Variants in SPMIP2 observed in about 807,000 individuals in gnomAD.
The protein encoded by SPMIP2 is sperm microtubule inner protein 2, also known as protein SPMIP2.
At chr4:159,037,799 C>G in the SPMIP2 span, among the ~76,000 whole-genome samples, 1 of 128,768 alleles carries the variant, frequency 7.8e-6, no homozygotes, top group Non-Finnish European at 1.7e-5. Flanking sequence ...CACACACACA[C>G]ACACACACAC....
chr4:158,902,770 A>G, the SPMIP2 span, among the ~76,000 whole-genome samples: 16 of 152,296 alleles, frequency 1.1e-4, no homozygotes, highest in Middle Eastern at 3.4e-3. Flanking sequence ...ACTTCCAGGC[A>G]GCTTTGTTTA....
At chr4:159,035,274 C>A in the SPMIP2 span, 1 of 561,228 alleles carries the variant, frequency 1.8e-6, no homozygotes, top group South Asian at 2.6e-5. Context: ...TTGCAGAGTT[C>A]TGCATTCCAA....
chr4:159,053,643 T>C, the SPMIP2 span, among the ~76,000 whole-genome samples: 1 of 152,198 alleles, frequency 6.6e-6, no homozygotes, highest in Non-Finnish European at 1.5e-5. Context: ...ATATGGACCT[T>C]ACTAGTCCAT....
the SPMIP2 span, among the ~76,000 whole-genome samples, chr4:158,999,265 T>C: frequency 2.0e-5 from 3 of 152,152 alleles, no homozygotes; most frequent in South Asian, 2.1e-4. Flanking sequence ...ACTTTAAATG[T>C]AGGCATTGAT....
the SPMIP2 span, among the ~76,000 whole-genome samples, chr4:159,064,083 T>C: frequency 3.3e-5 from 5 of 152,226 alleles, no homozygotes; most frequent in African/African-American, 7.2e-5. Context: ...TGGTAGCTCA[T>C]GCCTGTAATC....
the SPMIP2 span, among the ~76,000 whole-genome samples, chr4:159,042,250 C>G: frequency 5.3e-5 from 8 of 152,364 alleles, no homozygotes; most frequent in African/African-American, 1.7e-4. Context: ...TCCACCAGCT[C>G]AAGTCTCTGG....
chr4:159,003,056 A>T, the SPMIP2 span, among the ~76,000 whole-genome samples: 1 of 151,850 alleles, frequency 6.6e-6, no homozygotes, highest in Non-Finnish European at 1.5e-5. Context: ...TATTCCTTTC[A>T]TTTTTTCCTC....
the SPMIP2 span, among the ~76,000 whole-genome samples, chr4:158,999,402 G>A: frequency 6.6e-6 from 1 of 152,146 alleles, no homozygotes; most frequent in Non-Finnish European, 1.5e-5. Context: ...ATTTCTAGAT[G>A]GCAGTAAGTG....
the SPMIP2 span, among the ~76,000 whole-genome samples, chr4:159,041,778 A>G: frequency 3.3e-5 from 5 of 152,222 alleles, no homozygotes; most frequent in African/African-American, 1.2e-4. Flanking sequence ...GAACAAATAT[A>G]ATTGGACACT....
At chr4:158,949,044 TTC>T in the SPMIP2 span, among the ~76,000 whole-genome samples, 2 of 152,074 alleles carry the variant, frequency 1.3e-5, no homozygotes, top group African/African-American at 4.8e-5. Context: ...ATTTTTTCTC[TTC>T]TTTTTCATCT....
At chr4:158,967,766 T>C in the SPMIP2 span, among the ~76,000 whole-genome samples, 13 of 152,184 alleles carry the variant, frequency 8.5e-5, no homozygotes, top group Non-Finnish European at 1.8e-4. Flanking sequence ...TACAGACTTA[T>C]CAACTCCATG....
chr4:159,071,182 T>C, the SPMIP2 span, among the ~76,000 whole-genome samples: 1 of 152,188 alleles, frequency 6.6e-6, no homozygotes, highest in Non-Finnish European at 1.5e-5. Flanking sequence ...ATGCTAATGT[T>C]TTTGGAGGGA....
chr4:158,995,359 C>T, the SPMIP2 span, among the ~76,000 whole-genome samples: 1 of 152,110 alleles, frequency 6.6e-6, no homozygotes, highest in African/African-American at 2.4e-5. Flanking sequence ...TATAATTATG[C>T]CTCAAATTAT....
At chr4:158,955,786 T>G in the SPMIP2 span, among the ~76,000 whole-genome samples, 1 of 152,218 alleles carries the variant, frequency 6.6e-6, no homozygotes, top group Non-Finnish European at 1.5e-5. Context: ...ACATGGTATT[T>G]ATAAACAACT....
At chr4:159,007,743 G>A in the SPMIP2 span, 6 of 641,616 alleles carry the variant, frequency 9.4e-6, no homozygotes, top group East Asian at 4.3e-5. Context: ...GCTGGACTTC[G>A]GGGCCTTCTA....
the SPMIP2 span, among the ~76,000 whole-genome samples, chr4:159,040,068 G>C: frequency 7.4e-4 from 112 of 152,206 alleles, 2 homozygotes; most frequent in Admixed American, 7.3e-3. Context: ...GGAAAGCTTT[G>C]CCACCGTTTA....
At chr4:158,967,428 A>T in the SPMIP2 span, among the ~76,000 whole-genome samples, 3 of 152,206 alleles carry the variant, frequency 2.0e-5, no homozygotes, top group Non-Finnish European at 4.4e-5. Context: ...AATTATTTTT[A>T]TGTTAAACCA....
At chr4:159,041,042 T>C in the SPMIP2 span, among the ~76,000 whole-genome samples, 1 of 152,116 alleles carries the variant, frequency 6.6e-6, no homozygotes, top group Non-Finnish European at 1.5e-5. Context: ...ACCCACCCCA[T>C]TCTTCCCTGA....
chr4:158,965,099 A>AT, the SPMIP2 span, among the ~76,000 whole-genome samples: 1 of 152,324 alleles, frequency 6.6e-6, no homozygotes, highest in East Asian at 1.9e-4. Context: ...GAGAAAAGGC[A>AT]TGTTTTTCAA....
Sources: gnomAD v4.1 joint callset for allele counts (sites outside exome capture counted in the v4.1 genomes callset) on GRCh38, gnomAD v4.1.1 for gene constraint, MANE v1.5 for transcripts, NCBI Gene and HGNC (gene_info 2026-07-23, HGNC 2026-07-21) for gene names.